RAP1GAP2: variants seen among roughly 807,000 people sequenced by gnomAD.
The protein encoded by RAP1GAP2 is RAP1 GTPase activating protein 2, also known as rap1 GTPase-activating protein 2.
In RAP1GAP2, 27 loss-of-function variants were observed where a neutral mutation model predicts 95.0. The observed-to-expected ratio is 0.28, with a 90% CI of 0.21 to 0.39. The LOEUF is 0.39. Among genes scored for constraint, RAP1GAP2 ranks in the 10% least tolerant of loss-of-function variants. The probability of loss-of-function intolerance (pLI) is 1.00; values close to 1 mark genes in which losing one functional copy is unlikely to be tolerated. For synonymous variants in RAP1GAP2, 373 were observed against 380.9 expected, an observed-to-expected ratio of 0.98 and a Z score of 0.24; for missense variants, 771 against 970.0, an observed-to-expected ratio of 0.79 and a Z score of 2.72.
chr17:2,965,365 G>A lies in RAP1GAP2; in HGVS notation c.493-175G>A, dbSNP rs1014129917. On this transcript the variant is annotated intron_variant, in intron 7 of 24. Coordinates refer to ENST00000254695, the MANE Select transcript of RAP1GAP2 (RefSeq NM_015085.5). The surrounding 1 kb of genome is among the most constrained non-coding windows in gnomAD (Gnocchi z 4.7). ...TATTAAGCCCCTGGCACGGTGCCTG[G>A]CGCCTCCTGAGGATCCGGCCGTCGG... is the stretch of plus-strand genomic sequence containing the variant. 3.3e-6 allele frequency: 2 copies of A among 607,960 alleles called. No homozygotes were observed. Among genetic ancestry groups the A allele is most frequent in the African/African-American group, 3.7e-5 (2 of 54,000 alleles). 37.7% of individuals were successfully genotyped at this position (607,960 alleles called of 1,614,324 possible).
At chr17:2,778,781 T>G (rs2068568586) in intron 1 of RAP1GAP2, among the ~76,000 whole-genome samples, 2 of 152,020 alleles carry the variant, frequency 1.3e-5, no homozygotes, top group African/African-American at 4.8e-5. Flanking sequence ...TGGGAAGCAA[T>G]CTCAGGAAAC....
intron 3 of RAP1GAP2, among the ~76,000 whole-genome samples, chr17:2,942,413 A>G (rs1201670139): frequency 6.6e-6 from 1 of 152,122 alleles, no homozygotes; most frequent in African/African-American, 2.4e-5. Context: ...TGGCTCATAG[A>G]ATGATTACGT....
chr17:2,963,707 G>T lies in RAP1GAP2; in HGVS notation c.280-149G>T. 1.2e-6 allele frequency: 1 copy of T among 822,942 alleles called. No individual in the cohort carries two copies. The highest frequency in any genetic ancestry group is 1.9e-6 in the Non-Finnish European group (1 of 531,418). The allele number at this position is 822,942 out of a possible 1,614,324, so 51.0% of individuals were successfully genotyped here. ...TGAAGCTGGAGGTGTTGTGGGGCTT[G>T]GAGGAGGGGTTCATGTCACTGCCTT... On this transcript the variant is annotated intron_variant, in intron 6 of 24. Transcript: ENST00000254695. This position sits in a 1 kb window ranked among gnomAD's most constrained non-coding sequence, Gnocchi z 4.8.
chr17:2,848,192 C>G (rs558541024), intron 2 of RAP1GAP2, among the ~76,000 whole-genome samples: 2 of 152,068 alleles, frequency 1.3e-5, no homozygotes, highest in African/African-American at 2.4e-5. Flanking sequence ...GTTTCCTCAG[C>G]GTGGTTTCCT....
At chr17:2,885,031 T>TC (rs1291325770) in intron 2 of RAP1GAP2, among the ~76,000 whole-genome samples, 1 of 140,820 alleles carries the variant, frequency 7.1e-6, no homozygotes, top group African/African-American at 2.6e-5. Context: ...TTTCTTTCTT[T>TC]TTTTTTTTTT....
At chr17:2,838,575 G>A (rs1204504319) in intron 2 of RAP1GAP2, among the ~76,000 whole-genome samples, 1 of 152,150 alleles carries the variant, frequency 6.6e-6, no homozygotes, top group Admixed American at 6.6e-5. Context: ...GATGAACATA[G>A]CATGGGGCAG....
At chr17:2,894,688 TTC>T (rs1266699617) in intron 2 of RAP1GAP2, among the ~76,000 whole-genome samples, 1 of 152,140 alleles carries the variant, frequency 6.6e-6, no homozygotes, top group African/African-American at 2.4e-5. Flanking sequence ...GCGTCCGTCA[TTC>T]TGTTTTCTGA....
Position 2,870,977 on chromosome 17 carries a change from CAG to C in RAP1GAP2, c.81-34304_81-34303del, listed in dbSNP as rs1369408213. On this transcript the variant is annotated intron_variant, in intron 2 of 24. Transcript: ENST00000254695. The surrounding 1 kb of genome is among the most constrained non-coding windows in gnomAD (Gnocchi z 4.4). ...TATTATTACTATTATTCTTTTGAGA[CAG>C]AGTTTCACTCTTGTCACCCAGGCTG... Among the ~76,000 whole-genome samples, 1 of 152,160 alleles carries C rather than the reference CAG, an allele frequency of 6.6e-6. No individual in the cohort carries two copies. Among genetic ancestry groups the C allele is most frequent in the African/African-American group, 2.4e-5 (1 of 41,430 alleles).
chr17:2,842,529 C>CA (rs34473053), intron 2 of RAP1GAP2, among the ~76,000 whole-genome samples: 1,104 of 77,624 alleles, frequency 0.014, 13 homozygotes, highest in African/African-American at 0.029. Context: ...GATTCCGTCT[C>CA]AAAAAAAAAA....
chr17:2,863,923 G>C (rs929531137), intron 2 of RAP1GAP2, among the ~76,000 whole-genome samples: 5 of 152,110 alleles, frequency 3.3e-5, no homozygotes, highest in African/African-American at 1.2e-4. Context: ...GTGGTGGTGG[G>C]TGCCTGTAAT....
At chr17:2,862,556 C>T (rs1031974030) in intron 2 of RAP1GAP2, among the ~76,000 whole-genome samples, 2 of 150,174 alleles carry the variant, frequency 1.3e-5, no homozygotes, top group African/African-American at 4.9e-5. Context: ...AACTCAGTTT[C>T]TTTGCCTACT....
At chr17:3,006,635 A>G (rs951921965) in intron 16 of RAP1GAP2, among the ~76,000 whole-genome samples, 4 of 149,704 alleles carry the variant, frequency 2.7e-5, no homozygotes, top group Non-Finnish European at 4.4e-5. Context: ...GGGTTTTGCC[A>G]TGTTAGCCAG....
chr17:2,989,951 G>A (rs1263696319), intron 11 of RAP1GAP2, among the ~76,000 whole-genome samples: 1 of 152,102 alleles, frequency 6.6e-6, no homozygotes, highest in Non-Finnish European at 1.5e-5. Context: ...TGTCTCTACA[G>A]ATTTGCCTAT....
chr17:3,016,638 G>C (rs4536506), intron 17 of RAP1GAP2, among the ~76,000 whole-genome samples: 104,829 of 152,152 alleles, frequency 0.69, 36,573 homozygotes, highest in Non-Finnish European at 0.75. Context: ...CCAGTTCCTG[G>C]CACAGTGCTA....
rs1225025493 is a variant in RAP1GAP2 at position 2,905,316 on chromosome 17, C to A, written c.113C>A (p.Thr38Asn). 1 of 1,613,798 alleles carries A rather than the reference C, an allele frequency of 6.2e-7. No individual in the cohort carries two copies. The highest frequency in any genetic ancestry group is 1.7e-5 in the Admixed American group (1 of 60,008). ...KQELANSSDA[T>N]LPDRPLSPPL... ...GAGCTGGCCAACAGCTCGGATGCGA[C>A]CCTCCCAGACCGGCCGCTCTCCCCT... The change falls in exon 3 of 25, where the codon ACC becomes AAC. Residue 38 changes from threonine (T) to asparagine (N), a missense_variant. Coordinates refer to ENST00000254695, the MANE Select transcript of RAP1GAP2 (RefSeq NM_015085.5).
chr17:2,806,594 G>C (rs1022601218), intron 2 of RAP1GAP2, among the ~76,000 whole-genome samples: 1 of 150,852 alleles, frequency 6.6e-6, no homozygotes, highest in Non-Finnish European at 1.5e-5. Flanking sequence ...GCGGGGTTTC[G>C]CTGTGTTGGC....
intron 3 of RAP1GAP2, among the ~76,000 whole-genome samples, chr17:2,923,520 G>A (rs2042860731): frequency 6.6e-6 from 1 of 150,990 alleles, no homozygotes; most frequent in African/African-American, 2.4e-5. Flanking sequence ...TTTTAGTAGA[G>A]ACAGGGTTTC....
At chr17:2,943,370 T>G (rs1276679833) in intron 3 of RAP1GAP2, among the ~76,000 whole-genome samples, 1 of 152,154 alleles carries the variant, frequency 6.6e-6, no homozygotes, top group Non-Finnish European at 1.5e-5. Flanking sequence ...AAGCCTCACC[T>G]GATTTAAGAA....
intron 1 of RAP1GAP2, among the ~76,000 whole-genome samples, chr17:2,768,627 G>A (rs2068321714): frequency 6.6e-6 from 1 of 151,482 alleles, no homozygotes; most frequent in South Asian, 2.1e-4. Context: ...GGGATGCAGA[G>A]GTTGCAGTGA....
Sources: gnomAD v4.1 joint callset for allele counts (sites outside exome capture counted in the v4.1 genomes callset) on GRCh38, gnomAD v4.1.1 for gene constraint, Gnocchi (gnomAD v3.1) non-coding constraint, MANE v1.5 for transcripts, NCBI Gene and HGNC (gene_info 2026-07-23, HGNC 2026-07-21) for gene names.